The following LARP4B variants were observed in gnomAD, a reference collection of about 807,000 sequenced individuals.
LARP4B encodes la-related protein 4B.
A neutral mutation model predicts 89.8 loss-of-function variants in LARP4B; 12 were observed. That is an observed-to-expected ratio of 0.13 (90% CI 0.09 to 0.22). LARP4B has a LOEUF of 0.22. LARP4B is among the 10% of genes least tolerant of loss of function. The probability of loss-of-function intolerance (pLI) is 1.00; values close to 1 mark genes in which losing one functional copy is unlikely to be tolerated. For missense variants in LARP4B, 757 were observed against 947.7 expected, an observed-to-expected ratio of 0.80 and a Z score of 2.64; for synonymous variants, 367 against 363.3, an observed-to-expected ratio of 1.01 and a Z score of -0.12.
chr10:964,049 G>C, the LARP4B span, among the ~76,000 whole-genome samples: 1 of 152,158 alleles, frequency 6.6e-6, no homozygotes, highest in South Asian at 2.1e-4. Flanking sequence ...CTGGCTGTGA[G>C]TTGAGGGTGA....
At chr10:881,205 T>A (rs1835653805) in intron 3 of LARP4B, among the ~76,000 whole-genome samples, 1 of 152,182 alleles carries the variant, frequency 6.6e-6, no homozygotes, top group Admixed American at 6.6e-5. Context: ...GGAGAACCCA[T>A]CGCTGTGGCC....
chr10:940,003 G>A, the LARP4B span, among the ~76,000 whole-genome samples: 15 of 148,996 alleles, frequency 1.0e-4, no homozygotes, highest in African/African-American at 2.5e-4. Context: ...GTGCCACCAC[G>A]CCCGGCTAAT....
intron 3 of LARP4B, 84 bp downstream of exon 3, chr10:884,363 T>C (rs1835787800): frequency 2.0e-6 from 2 of 985,302 alleles, no homozygotes; most frequent in African/African-American, 1.6e-5. Flanking sequence ...TAATTTTTGT[T>C]ACAATAAACA....
intron 15 of LARP4B, 38 bp from the exon 16 acceptor site, chr10:815,108 G>C (rs138672374): frequency 2.6e-6 from 4 of 1,517,492 alleles, no homozygotes; most frequent in Non-Finnish European, 3.5e-6. Flanking sequence ...GAGTCCTGCC[G>C]GCACTAAGCG....
the LARP4B span, among the ~76,000 whole-genome samples, chr10:974,273 G>A: frequency 5.3e-5 from 8 of 152,010 alleles, no homozygotes; most frequent in Admixed American, 1.3e-4. Context: ...TCGCTCCCAC[G>A]GAAACCCAGG....
intron 3 of LARP4B, among the ~76,000 whole-genome samples, chr10:867,421 C>T (rs118137375): frequency 9.1e-4 from 138 of 152,228 alleles, no homozygotes; most frequent in Non-Finnish European, 1.5e-3. Context: ...CAATTGCGTT[C>T]AGCAAAATTC....
intron 9 of LARP4B, 64 bp downstream of exon 9, chr10:830,803 C>T: frequency 1.4e-6 from 1 of 738,446 alleles, no homozygotes; most frequent in South Asian, 1.6e-5. Context: ...TTAGTCCCAA[C>T]ATGCACTAAT....
At chr10:966,089 A>T in the LARP4B span, among the ~76,000 whole-genome samples, 8 of 111,006 alleles carry the variant, frequency 7.2e-5, no homozygotes, top group East Asian at 2.5e-4. Flanking sequence ...TGTGTGTATG[A>T]GATTTTATTT....
At chr10:961,499 C>T in the LARP4B span, among the ~76,000 whole-genome samples, 4 of 149,040 alleles carry the variant, frequency 2.7e-5, no homozygotes, top group African/African-American at 7.5e-5. Flanking sequence ...CTCATGGCAG[C>T]GTGGTGCCAG....
intron 3 of LARP4B, among the ~76,000 whole-genome samples, chr10:882,720 G>A (rs754218741): frequency 9.9e-5 from 15 of 152,178 alleles, no homozygotes; most frequent in Non-Finnish European, 1.5e-5. Flanking sequence ...AGGGCAGGAA[G>A]CTGTCTAATA....
chr10:812,994 G>T lies in LARP4B; in HGVS notation c.2149C>A (p.Pro717Thr). 6.3e-7 allele frequency: 1 copy of T among 1,590,384 alleles called. No individual in the cohort carries two copies. The highest frequency in any genetic ancestry group is 1.1e-5 in the South Asian group (1 of 86,974). Residue 717 changes from proline (P) to threonine (T), a missense_variant, in exon 18 of 18, where the codon CCC becomes ACC. By Grantham distance (38) the Pro-to-Thr change is conservative (BLOSUM62 -1). Around this residue, in one of 5 missense-constraint regions of LARP4B, gnomAD observed 387 missense variants for 423.6 expected, o/e 0.91. Coordinates refer to ENST00000316157, the MANE Select transcript of LARP4B (RefSeq NM_015155.3). ...CGCTTCCCCATGGCCGAGGGCGAGG[G>T]CCGGCCCCCCGCCGGCCGCCTCTGG... is the stretch of plus-strand genomic sequence containing the variant. ...RDQRRPAGGR[P>T]SPSAMGKRLS...
In LARP4B at chr10:867,891, A is replaced by C. The variant is rs540668813; in HGVS notation, c.142-3621T>G. Among the ~76,000 whole-genome samples, 112 of 147,372 alleles carry C rather than the reference A, an allele frequency of 7.6e-4. No homozygotes were observed. The South Asian group carries it at 8.7e-3, about 11-fold the overall frequency. On this transcript the variant is annotated intron_variant, in intron 3 of 17. Transcript: ENST00000316157. ...AAAAAAAAAAAAAAAAAAAAACTCC[A>C]GTGTCGTCTGCTTGACTATAAGTCT...
At chr10:884,356 T>A in intron 3 of LARP4B, 91 bp downstream of exon 3, 1 of 938,906 alleles carries the variant, frequency 1.1e-6, no homozygotes, top group Non-Finnish European at 1.7e-6. Flanking sequence ...CATTTTCTAA[T>A]TTTTGTTACA....
rs748734684 is a variant in LARP4B at position 863,825 on chromosome 10, C to T, written c.348G>A (p.Pro116=). The change falls in exon 5 of 18, where the codon CCG becomes CCA. Residue 116 remains proline, a synonymous_variant. Transcript: ENST00000316157. ...QGHENAALPD[P]QESDPADMNA... is the part of the protein sequence containing the mutation. ...TCATGTCTGCTGGGTCCGACTCCTG[C>T]GGGTCTGGCAATGCGGCATTCTCAT... 18 of 1,614,008 alleles carry T rather than the reference C, an allele frequency of 1.1e-5. 1 individual carries two copies. The highest frequency in any genetic ancestry group is 6.7e-5 in the Admixed American group (4 of 59,992).
At chr10:959,413 AT>A in the LARP4B span, among the ~76,000 whole-genome samples, 3 of 97,504 alleles carry the variant, frequency 3.1e-5, no homozygotes, top group East Asian at 3.0e-4. Flanking sequence ...CTCCCCATCA[AT>A]CCACCTCCCC....
downstream of LARP4B, chr10:807,011 A>C (rs1831582452): frequency 6.6e-6 from 1 of 152,322 alleles, no homozygotes; most frequent in Non-Finnish European, 1.5e-5. Context: ...TGCTGTCCAC[A>C]GACAACTCCC....
rs777349841 is a variant in LARP4B, at chr10:817,848, C to A, written c.1572G>T (p.Ser524=). 7 of 1,613,994 alleles carry A rather than the reference C, an allele frequency of 4.3e-6. No homozygotes were observed. Among genetic ancestry groups the A allele is most frequent in the Non-Finnish European group, 5.9e-6 (7 of 1,179,996 alleles). ...TGGACAGCCCCAGCTCGAAGCTTGG[C>A]GACGGAGGCTTTGGTGGCGTTGGAG... ...TQSPTPPKPP[S]PSFELGLSSF... Residue 524 remains serine, a synonymous_variant, in exon 15 of 18, where the codon TCG becomes TCT. Coordinates refer to ENST00000316157, the MANE Select transcript of LARP4B (RefSeq NM_015155.3).
chr10:841,094 G>A (rs138743326), intron 7 of LARP4B, among the ~76,000 whole-genome samples: 146 of 152,264 alleles, frequency 9.6e-4, no homozygotes, highest in Non-Finnish European at 1.7e-3. Context: ...GCAGAGTTGC[G>A]ATGAGCTGAG....
upstream of LARP4B, among the ~76,000 whole-genome samples, chr10:934,461 G>A (rs527331556): frequency 2.0e-5 from 3 of 152,192 alleles, no homozygotes; most frequent in African/African-American, 7.2e-5. Flanking sequence ...CCGCATTCCA[G>A]CCTGGGTGAC....
Sources: gnomAD v4.1 joint callset for allele counts (sites outside exome capture counted in the v4.1 genomes callset) on GRCh38, gnomAD v4.1.1 for gene constraint, gnomAD v4.1.1 regional missense constraint, MANE v1.5 for transcripts, NCBI Gene and HGNC (gene_info 2026-07-23, HGNC 2026-07-21) for gene names.